Variants in ADAMTS3 observed in about 807,000 individuals in gnomAD.
ADAMTS3 encodes the protein ADAM metallopeptidase with thrombospondin type 1 motif 3.
ADAMTS3 carries 73 observed loss-of-function variants against 129.0 expected under a neutral mutation model. The ratio of observed to expected loss-of-function variants is 0.57; its 90% CI spans 0.47 to 0.69. The LOEUF (loss-of-function observed/expected upper bound fraction) is 0.69. Among genes scored for constraint, ADAMTS3 ranks in the 30% least tolerant of loss-of-function variants. The probability of loss-of-function intolerance (pLI) is 0.00; values close to 1 mark genes in which losing one functional copy is unlikely to be tolerated. For synonymous variants in ADAMTS3, 477 were observed against 510.8 expected, an observed-to-expected ratio of 0.93 and a Z score of 0.89; for missense variants, 1,457 against 1,514.5, an observed-to-expected ratio of 0.96 and a Z score of 0.63.
intron 3 of ADAMTS3, among the ~76,000 whole-genome samples, chr4:72,522,174 A>G (rs1720691746): frequency 6.6e-6 from 1 of 152,160 alleles, no homozygotes; most frequent in Non-Finnish European, 1.5e-5. Context: ...TCCTTCTCCT[A>G]CACACAAATC....
chr4:72,524,491 A>G (rs1190806177), intron 3 of ADAMTS3, among the ~76,000 whole-genome samples: 1 of 152,112 alleles, frequency 6.6e-6, no homozygotes, highest in Non-Finnish European at 1.5e-5. Flanking sequence ...GCACTATACT[A>G]AGTGTTTAAT....
At chr4:72,549,970 AG>A (rs1328763966) in intron 2 of ADAMTS3, among the ~76,000 whole-genome samples, 1 of 29,228 alleles carries the variant, frequency 3.4e-5, no homozygotes, top group East Asian at 8.1e-4. Flanking sequence ...AAAAAGAAGA[AG>A]AAGAAGAAGA....
chr4:72,487,458 A>G (rs779801621), intron 3 of ADAMTS3, among the ~76,000 whole-genome samples: 4 of 152,140 alleles, frequency 2.6e-5, no homozygotes, highest in Non-Finnish European at 5.9e-5. Context: ...CCAATCAGCA[A>G]AACAAAATTT....
chr4:72,456,247 T>C (rs139069396), intron 3 of ADAMTS3, among the ~76,000 whole-genome samples: 40 of 80,684 alleles, frequency 5.0e-4, no homozygotes, highest in East Asian at 1.1e-3. Context: ...ATATTTTATA[T>C]ATAGTATATA....
intron 2 of ADAMTS3, among the ~76,000 whole-genome samples, chr4:72,559,184 A>G (rs1721841091): frequency 6.6e-6 from 1 of 151,812 alleles, no homozygotes; most frequent in Admixed American, 6.5e-5. Context: ...AACCTCATCA[A>G]TTTTGTTTTC....
intron 3 of ADAMTS3, among the ~76,000 whole-genome samples, chr4:72,479,714 A>G (rs1481456639): frequency 1.3e-5 from 2 of 152,188 alleles, no homozygotes; most frequent in Non-Finnish European, 2.9e-5. Flanking sequence ...TAAACTAAAG[A>G]GCTTCTGCAC....
chr4:72,556,742 A>T (rs559944129), intron 2 of ADAMTS3, among the ~76,000 whole-genome samples: 25 of 151,896 alleles, frequency 1.6e-4, no homozygotes, highest in African/African-American at 5.6e-4. Flanking sequence ...CTGTAAAAAT[A>T]AAAATAATAA....
At chr4:72,541,247 G>C (rs186637589) in intron 3 of ADAMTS3, among the ~76,000 whole-genome samples, 11 of 152,312 alleles carry the variant, frequency 7.2e-5, no homozygotes, top group African/African-American at 2.6e-4. Context: ...TGCCCTGCTG[G>C]ATTTCGAACT....
intron 13 of ADAMTS3, 158 bp downstream of exon 13, chr4:72,312,133 A>T: frequency 1.5e-6 from 1 of 684,342 alleles, no homozygotes; most frequent in Non-Finnish European, 2.4e-6. Flanking sequence ...AAGGGTATTT[A>T]AGCCTTATTC....
chr4:72,292,391 C>T (rs939978390), intron 19 of ADAMTS3, among the ~76,000 whole-genome samples: 1 of 152,212 alleles, frequency 6.6e-6, no homozygotes, highest in Non-Finnish European at 1.5e-5. Flanking sequence ...CATATCTATA[C>T]TGTTTGGATA....
intron 5 of ADAMTS3, among the ~76,000 whole-genome samples, chr4:72,327,528 C>T (rs1719728978): frequency 6.6e-6 from 1 of 152,138 alleles, no homozygotes; most frequent in Non-Finnish European, 1.5e-5. Context: ...TGCAAAAGCT[C>T]AACATATATT....
rs952946526 is a variant in ADAMTS3 at position 72,568,828 on chromosome 4, G to T, written c.-66C>A. The T allele has an allele frequency of 2.6e-6, 2 of 784,234 alleles. No individual in the cohort carries two copies. Among genetic ancestry groups the T allele is most frequent in the Non-Finnish European group, 3.3e-6 (2 of 607,974 alleles). 48.6% of individuals were successfully genotyped at this position (784,234 alleles called of 1,614,324 possible). A position where few individuals can be genotyped will look rare whatever the true frequency, so the allele number is the denominator to read the frequency against. The stretch of plus-strand genomic sequence containing the variant: ...TGCCCAGAGCAAACCCACCCCCCCC[G>T]CCCAAAATAAGTTTCTTTAAGAAAA... On this transcript the variant is annotated 5_prime_UTR_variant, in exon 1 of 22. Transcript: ENST00000286657.
intron 4 of ADAMTS3, among the ~76,000 whole-genome samples, chr4:72,357,646 T>C (rs1720614691): frequency 6.6e-6 from 1 of 151,944 alleles, no homozygotes; most frequent in South Asian, 2.1e-4. Flanking sequence ...ACTAGGTTGA[T>C]AGAACTCAAA....
At chr4:72,389,756 A>G (rs1357742499) in intron 4 of ADAMTS3, among the ~76,000 whole-genome samples, 1 of 152,218 alleles carries the variant, frequency 6.6e-6, no homozygotes, top group Non-Finnish European at 1.5e-5. Flanking sequence ...GTACCATAAC[A>G]GAGGAAATCT....
intron 3 of ADAMTS3, among the ~76,000 whole-genome samples, chr4:72,508,815 A>T (rs932304981): frequency 1.3e-5 from 2 of 152,126 alleles, no homozygotes; most frequent in African/African-American, 4.8e-5. Context: ...AGAACATTTC[A>T]TCCAAGAGCT....
intron 5 of ADAMTS3, among the ~76,000 whole-genome samples, chr4:72,328,399 T>G (rs963776803): frequency 3.3e-5 from 5 of 152,346 alleles, no homozygotes; most frequent in African/African-American, 1.2e-4. Context: ...ACCTGCTTTG[T>G]CTGACTAGCT....
At chr4:72,341,976 A>C (rs1277612752) in intron 4 of ADAMTS3, among the ~76,000 whole-genome samples, 1 of 152,196 alleles carries the variant, frequency 6.6e-6, no homozygotes, top group Non-Finnish European at 1.5e-5. Flanking sequence ...TATACTCATC[A>C]TTATAATTAC....
chr4:72,555,290 C>T (rs535801155), intron 2 of ADAMTS3, among the ~76,000 whole-genome samples: 2 of 151,794 alleles, frequency 1.3e-5, no homozygotes, highest in Admixed American at 1.3e-4. Context: ...TATCATCTCT[C>T]ATATTAGCCT....
chr4:72,348,711 T>C (rs1281709836), intron 4 of ADAMTS3, among the ~76,000 whole-genome samples: 6 of 151,678 alleles, frequency 4.0e-5, no homozygotes, highest in Non-Finnish European at 8.8e-5. Flanking sequence ...TCAGAAATAA[T>C]GAAGCAGGAG....
Sources: allele counts gnomAD v4.1 joint callset (sites outside exome capture counted in the v4.1 genomes callset), GRCh38; gene constraint gnomAD v4.1.1; transcripts MANE v1.5; gene names NCBI Gene and HGNC (gene_info 2026-07-23, HGNC 2026-07-21).